Variants in SHQ1 observed in about 807,000 individuals in gnomAD.
The protein encoded by SHQ1 is protein SHQ1 homolog.
In SHQ1, 49 loss-of-function variants were observed where a neutral mutation model predicts 53.8. The observed-to-expected ratio is 0.91, with a 90% CI of 0.72 to 1.16. The LOEUF (loss-of-function observed/expected upper bound fraction) is 1.16, where lower values mean the gene tolerates loss of function less well. SHQ1 is among the 50% of genes most tolerant of loss of function. The probability of loss-of-function intolerance (pLI) is 0.00; values close to 1 mark genes in which losing one functional copy is unlikely to be tolerated. For missense variants in SHQ1, 738 were observed against 683.1 expected (o/e 1.08, Z -0.90); for synonymous variants, 243 against 251.0 (o/e 0.97, Z 0.30).
intron 10 of SHQ1, among the ~76,000 whole-genome samples, chr3:72,756,403 G>A (rs1054423407): frequency 1.3e-5 from 2 of 152,124 alleles, no homozygotes; most frequent in African/African-American, 4.8e-5. Flanking sequence ...AGCCTCCCGA[G>A]TAGCTGGGAT....
chr3:72,805,870 C>T (rs537704567), intron 9 of SHQ1, among the ~76,000 whole-genome samples: 13 of 152,252 alleles, frequency 8.5e-5, no homozygotes, highest in African/African-American at 2.4e-4. Flanking sequence ...AAATGCTTCC[C>T]TCTATGGTGT....
chr3:72,774,841 A>G (rs957682414), intron 10 of SHQ1, among the ~76,000 whole-genome samples: 5 of 152,204 alleles, frequency 3.3e-5, no homozygotes, highest in African/African-American at 1.2e-4. Context: ...TGGGCTGGGC[A>G]CAGTGGCTCA....
chr3:72,741,028 C>T, the SHQ1 span, among the ~76,000 whole-genome samples: 3 of 152,232 alleles, frequency 2.0e-5, no homozygotes, highest in African/African-American at 7.2e-5. Flanking sequence ...TATCCCAGCT[C>T]TTGCCTATTT....
At chr3:72,803,061 C>G (rs1706837019) in intron 9 of SHQ1, among the ~76,000 whole-genome samples, 1 of 152,174 alleles carries the variant, frequency 6.6e-6, no homozygotes, top group African/African-American at 2.4e-5. Flanking sequence ...GCAGCTAAAA[C>G]TGGCAGGTCC....
chr3:72,770,404 C>T (rs1466273262), intron 10 of SHQ1, among the ~76,000 whole-genome samples: 1 of 152,176 alleles, frequency 6.6e-6, no homozygotes, highest in Non-Finnish European at 1.5e-5. Flanking sequence ...TTTCTGACCT[C>T]AGCCTTCCCA....
At chr3:72,829,447 T>C (rs1707764110) in intron 5 of SHQ1, among the ~76,000 whole-genome samples, 3 of 152,252 alleles carry the variant, frequency 2.0e-5, no homozygotes, top group Admixed American at 2.0e-4. Flanking sequence ...CACGGTGTCT[T>C]TGGTATCTAT....
At chr3:72,761,023 C>T (rs774312907) in intron 10 of SHQ1, among the ~76,000 whole-genome samples, 2 of 152,148 alleles carry the variant, frequency 1.3e-5, no homozygotes, top group African/African-American at 4.8e-5. Flanking sequence ...AACAACTATG[C>T]CACTTTTCAA....
chr3:72,769,584 C>T (rs1413815767), intron 10 of SHQ1, among the ~76,000 whole-genome samples: 2 of 152,178 alleles, frequency 1.3e-5, no homozygotes, highest in African/African-American at 2.4e-5. Flanking sequence ...CTGGTCAGAT[C>T]CCACCCATCT....
intron 10 of SHQ1, among the ~76,000 whole-genome samples, chr3:72,757,739 C>T (rs1173874170): frequency 3.3e-5 from 5 of 152,130 alleles, no homozygotes; most frequent in African/African-American, 7.2e-5. Flanking sequence ...AACCAATTAC[C>T]GCATGTTGTC....
downstream of SHQ1, among the ~76,000 whole-genome samples, chr3:72,744,733 G>A (rs768657730): frequency 2.6e-5 from 4 of 152,118 alleles, no homozygotes; most frequent in Non-Finnish European, 5.9e-5. Context: ...TCAGAAAACA[G>A]GAGAGAAAAG....
intron 10 of SHQ1, among the ~76,000 whole-genome samples, chr3:72,757,911 C>T (rs947358479): frequency 6.6e-6 from 1 of 152,186 alleles, no homozygotes; most frequent in Admixed American, 6.5e-5. Context: ...ATAATCTGTA[C>T]ATCAAACTCC....
intron 10 of SHQ1, chr3:72,773,122 A>C: frequency 2.6e-6 from 2 of 766,804 alleles, no homozygotes; most frequent in Non-Finnish European, 4.7e-6. Context: ...AATTGAGCTC[A>C]AAGTCATGAA....
At chr3:72,817,579 G>C (rs906811452) in intron 6 of SHQ1, among the ~76,000 whole-genome samples, 195 bp from the exon 7 acceptor site, 3 of 152,104 alleles carry the variant, frequency 2.0e-5, no homozygotes, top group Non-Finnish European at 4.4e-5. Context: ...AATTCTAATA[G>C]GGCTGAATAA....
chr3:72,833,917 T>A (rs1374534457), intron 4 of SHQ1, among the ~76,000 whole-genome samples: 1 of 152,222 alleles, frequency 6.6e-6, no homozygotes, highest in Non-Finnish European at 1.5e-5. Context: ...TAAAGAATAT[T>A]AGCTGAAAAG....
At chr3:72,803,564 G>T (rs139916672) in intron 9 of SHQ1, among the ~76,000 whole-genome samples, 3 of 152,110 alleles carry the variant, frequency 2.0e-5, no homozygotes, top group African/African-American at 7.2e-5. Context: ...CAAAGACCTC[G>T]GCTCCCTACA....
At chr3:72,728,788 C>T in the SHQ1 span, among the ~76,000 whole-genome samples, 2 of 152,222 alleles carry the variant, frequency 1.3e-5, no homozygotes, top group African/African-American at 4.8e-5. Context: ...TCAGAAGGTG[C>T]CCTTTCAGTG....
the SHQ1 span, among the ~76,000 whole-genome samples, chr3:72,733,402 T>C: frequency 6.6e-6 from 1 of 151,592 alleles, no homozygotes; most frequent in African/African-American, 2.4e-5. Context: ...GGCACCACTC[T>C]GGTGCAGGGG....
At chr3:72,847,810 G>A (rs1400057628) in intron 1 of SHQ1, among the ~76,000 whole-genome samples, 1 of 152,164 alleles carries the variant, frequency 6.6e-6, no homozygotes, top group Middle Eastern at 3.2e-3. Context: ...GGAAGTCACG[G>A]AGATGTCAGC....
At chr3:72,775,983 C>A (rs1458833616) in intron 10 of SHQ1, among the ~76,000 whole-genome samples, 1 of 152,036 alleles carries the variant, frequency 6.6e-6, no homozygotes. Flanking sequence ...AAATATATTA[C>A]CACCATATCT....
Sources: allele counts gnomAD v4.1 joint callset (sites outside exome capture counted in the v4.1 genomes callset), GRCh38; gene constraint gnomAD v4.1.1; transcripts MANE v1.5; gene names NCBI Gene and HGNC (gene_info 2026-07-23, HGNC 2026-07-21).